RAD23B: variants seen among roughly 807,000 people sequenced by gnomAD.
RAD23B encodes the protein RAD23 nucleotide excision repair protein B.
A neutral mutation model predicts 49.1 loss-of-function variants in RAD23B; 5 were observed. The ratio of observed to expected loss-of-function variants is 0.10; its 90% CI spans 0.05 to 0.21. The LOEUF is 0.21. Ranked by LOEUF, RAD23B falls within the 10% of genes least tolerant of loss-of-function variation. RAD23B has a pLI of 1.00. For synonymous variants in RAD23B, 184 were observed against 165.4 expected, an observed-to-expected ratio of 1.11 and a Z score of -0.86; for missense variants, 356 against 486.7, an observed-to-expected ratio of 0.73 and a Z score of 2.53.
chr9:107,283,949 C>G, intron 1 of RAD23B: 2 of 1,118,526 alleles, frequency 1.8e-6, no homozygotes, highest in Non-Finnish European at 2.2e-6. Flanking sequence ...GGAGCGCACG[C>G]CCGCGGGCCT....
chr9:107,316,308 T>A (rs2133089626), intron 5 of RAD23B, among the ~76,000 whole-genome samples: 1 of 152,276 alleles, frequency 6.6e-6, no homozygotes, highest in African/African-American at 2.4e-5. Flanking sequence ...CCATACCTAG[T>A]CTTTACCAAA....
At chr9:107,312,266 T>A (rs1826902785) in intron 5 of RAD23B, among the ~76,000 whole-genome samples, 2 of 152,128 alleles carry the variant, frequency 1.3e-5, no homozygotes, top group South Asian at 4.1e-4. Context: ...TGAAGCAGCA[T>A]TTTTTTTCTC....
intron 1 of RAD23B, among the ~76,000 whole-genome samples, chr9:107,295,863 C>A (rs1016737706): frequency 6.6e-6 from 1 of 152,068 alleles, no homozygotes; most frequent in South Asian, 2.1e-4. Context: ...GGTCCAAATA[C>A]AGAATTTTGT....
intron 7 of RAD23B, 107 bp downstream of exon 7, chr9:107,322,225 A>G: frequency 7.5e-7 from 1 of 1,325,294 alleles, no homozygotes; most frequent in Non-Finnish European, 1.0e-6. Flanking sequence ...GAGCAGTCGA[A>G]TAATTCGTTA....
In RAD23B at chr9:107,283,616, T is replaced by G; in HGVS notation, c.-14T>G. 6.8e-7 allele frequency: 1 copy of G among 1,472,370 alleles called. No homozygotes were observed. Among genetic ancestry groups the G allele is most frequent in the Non-Finnish European group, 9.0e-7 (1 of 1,109,148 alleles). The allele number at this position is 1,472,370 out of a possible 1,614,324, so 91.2% of individuals were successfully genotyped here. A position where few individuals can be genotyped will look rare whatever the true frequency, so the allele number is the denominator to read the frequency against. ...CCCGGCGCAGGCCCGGCAGCCGAGC[T>G]GCGCGGCGGCACCATGCAGGTCACC... is the stretch of plus-strand genomic sequence containing the variant. On this transcript the variant is annotated 5_prime_UTR_variant, in exon 1 of 10. Coordinates refer to ENST00000358015, the MANE Select transcript of RAD23B (RefSeq NM_002874.5).
intron 5 of RAD23B, among the ~76,000 whole-genome samples, chr9:107,317,577 A>G (rs2133090740): frequency 6.6e-6 from 1 of 152,072 alleles, no homozygotes; most frequent in Non-Finnish European, 1.5e-5. Context: ...TTTGTTTTAG[A>G]GTGAAATATA....
intron 6 of RAD23B, among the ~76,000 whole-genome samples, chr9:107,321,188 A>G (rs1265076946): frequency 6.6e-6 from 1 of 152,140 alleles, no homozygotes; most frequent in Non-Finnish European, 1.5e-5. Flanking sequence ...AATTTCTTTT[A>G]TATCGATTTT....
intron 4 of RAD23B, among the ~76,000 whole-genome samples, chr9:107,310,704 A>G (rs1330902307): frequency 6.6e-6 from 1 of 152,220 alleles, no homozygotes; most frequent in African/African-American, 2.4e-5. Context: ...AAGGGATTAT[A>G]TTAATCATAG....
intron 5 of RAD23B, among the ~76,000 whole-genome samples, chr9:107,312,277 C>A (rs1210846541): frequency 6.6e-6 from 1 of 152,102 alleles, no homozygotes; most frequent in Non-Finnish European, 1.5e-5. Context: ...TTTTTTTCTC[C>A]CATTGTAGCA....
intron 8 of RAD23B, 139 bp downstream of exon 8, chr9:107,324,156 T>C (rs1253728867): frequency 6.8e-6 from 7 of 1,030,382 alleles, no homozygotes; most frequent in African/African-American, 4.8e-5. Context: ...CACTTAGATA[T>C]TGTAATCTAG....
rs1465191568 is a variant in RAD23B at position 107,331,752 on chromosome 9, T to C, written c.*2096T>C. On this transcript the variant is annotated 3_prime_UTR_variant, in exon 10 of 10. Transcript: ENST00000358015. ...AGAAGGTGGCATGGAGCTTGTGTCC[T>C]TGGACAACAAATCTGGATATACTAG... 2 of 775,786 alleles carry C rather than the reference T, an allele frequency of 2.6e-6. No homozygotes were observed. The highest frequency in any genetic ancestry group is 4.8e-6 in the Non-Finnish European group (2 of 417,000). The allele number at this position is 775,786 out of a possible 1,614,324, so 48.1% of individuals were successfully genotyped here.
rs1015765680 is a variant in RAD23B, at chr9:107,294,721, G to A, written c.67-5420G>A. Among the ~76,000 whole-genome samples the A allele has an allele frequency of 1.6e-4, 25 of 152,224 alleles. 1 individual carries two copies. Among genetic ancestry groups the A allele is most frequent in the Admixed American group, 1.6e-3 (25 of 15,282 alleles). On this transcript the variant is annotated intron_variant, in intron 1 of 9. Coordinates refer to ENST00000358015, the MANE Select transcript of RAD23B (RefSeq NM_002874.5). ...CTAGGACATCCCGTGAAGGTGTTCA[G>A]TAGAGAGTTAAGTGTGCATAAATGA... is the stretch of plus-strand genomic sequence containing the variant.
At chr9:107,301,988 G>A in intron 2 of RAD23B, 47 bp from the exon 3 acceptor site, 1 of 1,592,362 alleles carries the variant, frequency 6.3e-7, no homozygotes, top group Non-Finnish European at 8.5e-7. Flanking sequence ...TGAAGTGTAA[G>A]AGAAAGATTA....
At chr9:107,325,639 G>A (rs1347612518) in intron 9 of RAD23B, among the ~76,000 whole-genome samples, 1 of 152,054 alleles carries the variant, frequency 6.6e-6, no homozygotes, top group Non-Finnish European at 1.5e-5. Context: ...TAAGTAGTTT[G>A]TGCATGTGTT....
chr9:107,317,189 G>A (rs74919751), intron 5 of RAD23B, among the ~76,000 whole-genome samples: 1,958 of 152,270 alleles, frequency 0.013, 52 homozygotes, highest in African/African-American at 0.045. Context: ...GAAACAGGGT[G>A]TAATCCCATC....
At chr9:107,327,220 T>C (rs2133100820) in intron 9 of RAD23B, among the ~76,000 whole-genome samples, 1 of 151,996 alleles carries the variant, frequency 6.6e-6, no homozygotes, top group Middle Eastern at 3.4e-3. Context: ...TTGGGTTTTG[T>C]TGATTCTCCC....
In RAD23B at chr9:107,318,651, C is replaced by G; in HGVS notation, c.554-101C>G. 5 of 1,255,010 alleles carry G rather than the reference C, an allele frequency of 4.0e-6. No individual in the cohort carries two copies. The South Asian group carries it at 7.2e-5, about 18-fold the overall frequency. The allele number at this position is 1,255,010 out of a possible 1,614,324, so 77.7% of individuals were successfully genotyped here. ...CTGTTACTCATCTTTGTATTCCCAG[C>G]ATAGTAGTTCCTGAAATGTTGTATA... On this transcript the variant is annotated intron_variant, in intron 5 of 9. Coordinates refer to ENST00000358015, the MANE Select transcript of RAD23B (RefSeq NM_002874.5). This position sits in a 1 kb window ranked among gnomAD's most constrained non-coding sequence, Gnocchi z 4.3.
chr9:107,284,295 C>A, intron 1 of RAD23B: 1 of 917,772 alleles, frequency 1.1e-6, no homozygotes, highest in Non-Finnish European at 1.3e-6. Flanking sequence ...AACCCACACC[C>A]TTGCGTAGAT....
chr9:107,284,251 A>T (rs1007231912), intron 1 of RAD23B: 1 of 982,540 alleles, frequency 1.0e-6, no homozygotes, highest in South Asian at 4.7e-5. Flanking sequence ...TTTATTTGCA[A>T]ATGAATCGTT....
Sources: gnomAD v4.1 joint callset for allele counts (sites outside exome capture counted in the v4.1 genomes callset) on GRCh38, gnomAD v4.1.1 for gene constraint, Gnocchi (gnomAD v3.1) non-coding constraint, MANE v1.5 for transcripts, NCBI Gene and HGNC (gene_info 2026-07-23, HGNC 2026-07-21) for gene names.